MALAT1: variants seen among roughly 807,000 people sequenced by gnomAD.
MALAT1 encodes the protein hepcarcin.
intron 3 of MALAT1, chr11:65,504,735 T>TTAA (rs1450694594): frequency 1.9e-6 from 1 of 518,930 alleles, no homozygotes; most frequent in African/African-American, 1.9e-5. Flanking sequence ...CAAGTGGAAA[T>TTAA]GTTTAAACAG....
intron 3 of MALAT1, chr11:65,505,957 C>T (rs1243150319): frequency 2.3e-6 from 1 of 441,596 alleles, no homozygotes; most frequent in East Asian, 5.7e-5. Flanking sequence ...TTCAGGTGAA[C>T]ATAACAGACT....
exon 3 of MALAT1, chr11:65,502,607 A>T (rs1030228990): frequency 6.3e-6 from 3 of 477,754 alleles, no homozygotes; most frequent in Non-Finnish European, 1.2e-5. Flanking sequence ...TTTGTTGATG[A>T]GGGAGGGGAA....
chr11:65,499,208 C>T (rs761800686), exon 3 of MALAT1: 2 of 502,464 alleles, frequency 4.0e-6, no homozygotes, highest in South Asian at 1.5e-5. Context: ...AAGTTTTTAA[C>T]GTAATTTTAA....
chr11:65,497,858 G>C (rs1322603903), exon 1 of MALAT1: 1 of 517,032 alleles, frequency 1.9e-6, no homozygotes, highest in African/African-American at 1.9e-5. Flanking sequence ...GCCTCAGCTC[G>C]CCTGAAGGCA....
chr11:65,504,301 G>C lies in MALAT1; in HGVS notation n.5168+396G>C, dbSNP rs1318752323. ...TGGGAGGAGGGGGTGGGGCTTACTT[G>C]TTGTAGCTTTTTTTTTTTTTACAGA... On this transcript the variant is annotated intron_variant and non_coding_transcript_variant, in intron 3 of 3. Transcript: ENST00000619449. 3 of 492,112 alleles carry C rather than the reference G, an allele frequency of 6.1e-6. No homozygotes were observed. In the Admixed American group the frequency reaches 6.7e-5, roughly 11 times the overall value. 30.5% of individuals were successfully genotyped at this position (492,112 alleles called of 1,614,324 possible).
At chr11:65,498,081 C>T (rs780830989) in intron 1 of MALAT1, 7 of 518,804 alleles carry the variant, frequency 1.3e-5, no homozygotes, top group African/African-American at 1.9e-5. Flanking sequence ...GAAGCTCATA[C>T]CTAACCAGGC....
chr11:65,504,405 G>A (rs760113544), intron 3 of MALAT1: 6 of 518,416 alleles, frequency 1.2e-5, no homozygotes, highest in East Asian at 5.4e-5. Context: ...TTCTGATCCC[G>A]CTGCTATTAG....
At chr11:65,500,376 G>A (rs764699354) in exon 3 of MALAT1, 9 of 518,828 alleles carry the variant, frequency 1.7e-5, no homozygotes, top group Non-Finnish European at 2.7e-5. Context: ...CTGAGGACTA[G>A]CATTAATTGA....
At chr11:65,502,630 T>C (rs761151382) in exon 3 of MALAT1, 53 of 477,150 alleles carry the variant, frequency 1.1e-4, no homozygotes, top group Non-Finnish European at 1.8e-4. Context: ...TTTTTTTTTT[T>C]CTATAGACTT....
chr11:65,499,651 G>A (rs1186021649), exon 3 of MALAT1: 1 of 437,814 alleles, frequency 2.3e-6, no homozygotes, highest in Non-Finnish European at 4.5e-6. Context: ...GAAGATAGAA[G>A]TTTGAAGTGG....
chr11:65,503,137 A>AC (rs773902830), exon 3 of MALAT1: 22 of 508,672 alleles, frequency 4.3e-5, no homozygotes, highest in South Asian at 3.0e-4. Flanking sequence ...CTTCGTTATC[A>AC]GAAGAGTTGC....
chr11:65,500,085 G>T (rs757930213), exon 3 of MALAT1: 3 of 458,084 alleles, frequency 6.5e-6, no homozygotes, highest in Non-Finnish European at 1.3e-5. Flanking sequence ...GAAGATGAGG[G>T]TGTTTACGTA....
At chr11:65,501,578 T>C (rs775136570) in exon 3 of MALAT1, 17 of 518,616 alleles carry the variant, frequency 3.3e-5, no homozygotes, top group Non-Finnish European at 6.5e-5. Context: ...TGTTTTTTTC[T>C]AAGATTTTCC....
At chr11:65,500,198 AAGGC>A (rs1246088472) in exon 3 of MALAT1, 13 of 509,702 alleles carry the variant, frequency 2.6e-5, no homozygotes, top group South Asian at 1.7e-4. Context: ...AAAAAAAACT[AAGGC>A]AGAAGGCTTT....
exon 3 of MALAT1, chr11:65,500,939 G>T (rs749288774): frequency 2.0e-6 from 1 of 512,312 alleles, no homozygotes. Context: ...TTATACTCAT[G>T]AATCTTGTCT....
At chr11:65,499,241 A>G (rs573433526) in exon 3 of MALAT1, 202 of 504,994 alleles carry the variant, frequency 4.0e-4, no homozygotes, top group Non-Finnish European at 7.3e-4. Context: ...TTAAGAGAAA[A>G]TATGAAGACT....
intron 1 of MALAT1, chr11:65,498,117 A>C (rs757132118): frequency 5.8e-6 from 3 of 518,694 alleles, no homozygotes; most frequent in East Asian, 5.5e-5. Context: ...CAAAACAAAA[A>C]CCCCTAAAAA....
chr11:65,503,709 ATTC>A (rs750277736), exon 3 of MALAT1: 2 of 517,482 alleles, frequency 3.9e-6, no homozygotes, highest in Non-Finnish European at 7.7e-6. Context: ...CTTGGGGGGG[ATTC>A]TTCTCTAATC....
exon 3 of MALAT1, chr11:65,499,066 A>C (rs376467321): frequency 5.8e-6 from 3 of 518,022 alleles, no homozygotes; most frequent in East Asian, 5.4e-5. Context: ...CAGCCAGCGC[A>C]GGGGCTTCTG....
Sources: allele counts gnomAD v4.1 joint callset, GRCh38; gene constraint gnomAD v4.1.1; transcripts MANE v1.5; gene names NCBI Gene and HGNC (gene_info 2026-07-23, HGNC 2026-07-21).